Variants in TRIM2 observed in about 807,000 individuals in gnomAD.
TRIM2 encodes tripartite motif containing 2.
Under a neutral mutation model 75.2 loss-of-function variants are expected in TRIM2, and 20 were observed. That is an observed-to-expected ratio of 0.27 (90% confidence interval 0.19 to 0.39). The LOEUF (loss-of-function observed/expected upper bound fraction) is 0.39. TRIM2 is among the 10% of genes least tolerant of loss of function. TRIM2 has a pLI of 1.00. For missense variants in TRIM2, 660 were observed against 990.8 expected (o/e 0.67, Z 4.48); for synonymous variants, 373 against 388.3 (o/e 0.96, Z 0.46).
At chr4:153,226,112 C>T (rs1403477758) in intron 1 of TRIM2, among the ~76,000 whole-genome samples, 1 of 152,240 alleles carries the variant, frequency 6.6e-6, no homozygotes, top group Non-Finnish European at 1.5e-5. Flanking sequence ...CTCAAGCAAT[C>T]CTCCTGCTTT....
chr4:153,256,339 G>T (rs766013768), intron 1 of TRIM2, among the ~76,000 whole-genome samples: 28 of 152,106 alleles, frequency 1.8e-4, no homozygotes, highest in Non-Finnish European at 3.1e-4. Flanking sequence ...CCCCTTCAAG[G>T]GCTCACTGTA....
chr4:153,202,187 C>T (rs187079399), upstream of TRIM2, among the ~76,000 whole-genome samples: 23 of 152,226 alleles, frequency 1.5e-4, no homozygotes, highest in Non-Finnish European at 1.2e-4. Context: ...AAAAAGTTTG[C>T]GGAAAATAAA....
rs932486255 is a variant in TRIM2, at chr4:153,314,247, T to C, written c.1511-1238T>C. ...CATCCCGGCTAAAACGGTGAAACCC[T>C]GTCTCTACTAAAAATACAAAAAATT... On this transcript the variant is annotated intron_variant, in intron 6 of 11. Coordinates refer to ENST00000338700, the MANE Select transcript of TRIM2 (RefSeq NM_015271.5). Among the ~76,000 whole-genome samples, 11 of 144,510 alleles carry C rather than the reference T, an allele frequency of 7.6e-5. 1 individual carries two copies. In the South Asian group the frequency reaches 1.3e-3, roughly 16 times the overall value. 94.8% of individuals were successfully genotyped at this position (144,510 alleles called of 152,430 possible). A position where few individuals can be genotyped will look rare whatever the true frequency, so the allele number is the denominator to read the frequency against.
intron 1 of TRIM2, among the ~76,000 whole-genome samples, chr4:153,166,755 C>T (rs762989869): frequency 3.3e-5 from 5 of 152,078 alleles, no homozygotes; most frequent in Non-Finnish European, 7.4e-5. Context: ...TCTTCTAAGA[C>T]TAAGAAGCCT....
chr4:153,247,185 A>C (rs1749414192), intron 1 of TRIM2, among the ~76,000 whole-genome samples: 1 of 152,132 alleles, frequency 6.6e-6, no homozygotes. Flanking sequence ...TTTCTTTCTC[A>C]TGAGAACCAG....
At chr4:153,166,021 C>G (rs1349117103) in intron 1 of TRIM2, among the ~76,000 whole-genome samples, 1 of 152,166 alleles carries the variant, frequency 6.6e-6, no homozygotes, top group Non-Finnish European at 1.5e-5. Flanking sequence ...AACTGCACCA[C>G]TTAGATTGAT....
chr4:153,315,985 G>A lies in TRIM2; in HGVS notation c.1768G>A (p.Asp590Asn), dbSNP rs1023492892. 11 of 1,569,466 alleles carry A rather than the reference G, an allele frequency of 7.0e-6. No homozygotes were observed. The highest frequency in any genetic ancestry group is 9.5e-6 in the Non-Finnish European group (11 of 1,159,400). Reference protein sequence around the residue: ...DNKWVSIFSSDGKFKTKIGSG... With the variant: ...DNKWVSIFSSNGKFKTKIGSG... ...TAAATGGGTCAGCATTTTCTCCTCC[G>A]ATGGGAAATTTAAGGTAAGATTAAC... Residue 590 changes from aspartate to asparagine, a missense_variant, in exon 8 of 12, where the codon GAT (aspartate) becomes AAT (asparagine). Transcript: ENST00000338700.
intron 1 of TRIM2, among the ~76,000 whole-genome samples, chr4:153,228,225 C>G (rs1448997087): frequency 6.6e-6 from 1 of 152,150 alleles, no homozygotes; most frequent in Non-Finnish European, 1.5e-5. Context: ...CCTCTCCTTC[C>G]AAGTATGAAT....
intron 1 of TRIM2, among the ~76,000 whole-genome samples, chr4:153,268,222 CA>C (rs1318220666): frequency 1.4e-4 from 21 of 152,312 alleles, no homozygotes; most frequent in Non-Finnish European, 2.2e-4. Flanking sequence ...TCGCGAAGAG[CA>C]ATTTAGGGAG....
chr4:153,201,158 T>G (rs1734324866), upstream of TRIM2, among the ~76,000 whole-genome samples: 1 of 152,128 alleles, frequency 6.6e-6, no homozygotes, highest in South Asian at 2.1e-4. Context: ...GAGACAGAAT[T>G]TTGCCATGTT....
At chr4:153,333,475 CATA>C (rs1191912889) in intron 11 of TRIM2, among the ~76,000 whole-genome samples, 2 of 152,074 alleles carry the variant, frequency 1.3e-5, no homozygotes, top group African/African-American at 4.8e-5. Flanking sequence ...TGTGTGGTAC[CATA>C]ATTATAGAAG....
In TRIM2 at chr4:153,193,127, C is replaced by CTTTT. The variant is rs141233060; in HGVS notation, c.-49+39876_-49+39879dup. On this transcript the variant is annotated intron_variant, in intron 1 of 11. Coordinates refer to the TRIM2 transcript ENST00000437508. Reference sequence around the variant, plus strand: ...CACAGAGGGACCCTTAGTGAATAATCTTTTTTTTTTTTTTTTTTTTTTGAG... The same window carrying CTTTT: ...CACAGAGGGACCCTTAGTGAATAATCTTTTTTTTTTTTTTTTTTTTTTTTTTGAG... Among the ~76,000 whole-genome samples, 130 of 106,686 alleles carry CTTTT rather than the reference C, an allele frequency of 1.2e-3. 2 individuals are homozygous for CTTTT. Among genetic ancestry groups the CTTTT allele is most frequent in the African/African-American group, 3.1e-3 (78 of 25,202 alleles). 70.0% of individuals were successfully genotyped at this position (106,686 alleles called of 152,430 possible). A position where few individuals can be genotyped will look rare whatever the true frequency, so the allele number is the denominator to read the frequency against.
chr4:153,241,607 A>G (rs1173296365), intron 1 of TRIM2, among the ~76,000 whole-genome samples: 4 of 152,114 alleles, frequency 2.6e-5, no homozygotes, highest in Non-Finnish European at 5.9e-5. Context: ...CAGAGAACCC[A>G]GGAGCAGAGA....
At chr4:153,294,640 C>T (rs558241621) in intron 5 of TRIM2, among the ~76,000 whole-genome samples, 155 bp downstream of exon 5, 1 of 152,280 alleles carries the variant, frequency 6.6e-6, no homozygotes, top group Admixed American at 6.5e-5. Flanking sequence ...ATTTTTTCCC[C>T]TATTTTCAGC....
chr4:153,307,224 T>G lies in TRIM2; in HGVS notation c.1511-8261T>G, dbSNP rs141669915. On this transcript the variant is annotated intron_variant, in intron 6 of 11. Coordinates refer to ENST00000338700, the MANE Select transcript of TRIM2 (RefSeq NM_015271.5). ...ACCATGAGCTGGTTTTATTAGCTATTATACTAAAAAGAGTCATTGAACAAA... is the reference window on the plus strand; with the variant it reads ...ACCATGAGCTGGTTTTATTAGCTATGATACTAAAAAGAGTCATTGAACAAA... Among the ~76,000 whole-genome samples, 1,034 of 152,258 alleles carry G rather than the reference T, an allele frequency of 6.8e-3. 7 individuals are homozygous for G. Among genetic ancestry groups the G allele is most frequent in the Non-Finnish European group, 8.2e-3 (556 of 68,026 alleles).
intron 1 of TRIM2, among the ~76,000 whole-genome samples, chr4:153,268,946 T>C (rs1755961341): frequency 6.6e-6 from 1 of 152,206 alleles, no homozygotes; most frequent in African/African-American, 2.4e-5. Flanking sequence ...ATAGCAAATA[T>C]ATTTTAGTTT....
intron 1 of TRIM2, 25 bp downstream of exon 1, chr4:153,204,585 T>C: frequency 6.4e-7 from 1 of 1,551,688 alleles, no homozygotes; most frequent in Non-Finnish European, 8.7e-7. Flanking sequence ...CAATGTGGGA[T>C]AATTCTTTTT....
intron 1 of TRIM2, among the ~76,000 whole-genome samples, chr4:153,175,151 G>A (rs1459549789): frequency 6.6e-6 from 1 of 152,074 alleles, no homozygotes; most frequent in Non-Finnish European, 1.5e-5. Context: ...CAAGTCACTG[G>A]AATTACAGGC....
chr4:153,260,678 ACCCACACACCCACC>A (rs1753187927), intron 1 of TRIM2, among the ~76,000 whole-genome samples: 1 of 51,674 alleles, frequency 1.9e-5, no homozygotes, highest in African/African-American at 6.0e-5. Flanking sequence ...ACACACACCC[ACCCACACACCCACC>A]CCCCCCCCCA....
Sources: gnomAD v4.1 joint callset for allele counts (sites outside exome capture counted in the v4.1 genomes callset) on GRCh38, gnomAD v4.1.1 for gene constraint, MANE v1.5 for transcripts, NCBI Gene and HGNC (gene_info 2026-07-23, HGNC 2026-07-21) for gene names.